ADI1: variants seen among roughly 807,000 people sequenced by gnomAD.
ADI1 encodes the protein acireductone dioxygenase 1.
ADI1 carries 21 observed loss-of-function variants against 18.7 expected under a neutral mutation model. The ratio of observed to expected loss-of-function variants is 1.13; its 90% CI spans 0.80 to 1.62. The LOEUF is 1.62. Among genes scored for constraint, ADI1 ranks in the 40% most tolerant of loss-of-function variants. ADI1 has a pLI of 0.00. For synonymous variants in ADI1, 90 were observed against 100.1 expected, an observed-to-expected ratio of 0.90 and a Z score of 0.60; for missense variants, 245 against 254.9, an observed-to-expected ratio of 0.96 and a Z score of 0.26.
intron 2 of ADI1, 26 bp from the exon 3 acceptor site, chr2:3,501,019 A>T (rs1666993347): frequency 7.1e-6 from 11 of 1,552,084 alleles, no homozygotes; most frequent in Non-Finnish European, 8.7e-6. Context: ...CATTCCTGTG[A>T]GTCTACCAGA....
At chr2:3,503,332 C>T (rs1480634783) in intron 2 of ADI1, among the ~76,000 whole-genome samples, 1 of 150,736 alleles carries the variant, frequency 6.6e-6, no homozygotes, top group Non-Finnish European at 1.5e-5. Context: ...CACACATGCA[C>T]ACATACACAC....
At chr2:3,504,680 GT>G (rs1231944739) in intron 2 of ADI1, among the ~76,000 whole-genome samples, 3 of 152,210 alleles carry the variant, frequency 2.0e-5, no homozygotes, top group African/African-American at 7.2e-5. Flanking sequence ...GCGTATGTTT[GT>G]ATTGTTGGTT....
chr2:3,505,804 T>C (rs1467920753), intron 2 of ADI1, among the ~76,000 whole-genome samples: 1 of 152,028 alleles, frequency 6.6e-6, no homozygotes, highest in African/African-American at 2.4e-5. Flanking sequence ...GGGAGGTAAT[T>C]AGGATTAGAT....
chr2:3,504,233 A>G (rs544010786), intron 2 of ADI1, among the ~76,000 whole-genome samples: 2 of 152,324 alleles, frequency 1.3e-5, no homozygotes, highest in African/African-American at 4.8e-5. Context: ...CTACAAACAC[A>G]CGACCTAACA....
intron 1 of ADI1, among the ~76,000 whole-genome samples, chr2:3,518,925 C>T (rs1667491599): frequency 6.6e-6 from 1 of 152,222 alleles, no homozygotes; most frequent in Admixed American, 6.5e-5. Context: ...GCCCCTGACT[C>T]GCCAACTCTG....
At chr2:3,504,130 T>C (rs1318098994) in intron 2 of ADI1, among the ~76,000 whole-genome samples, 1 of 152,204 alleles carries the variant, frequency 6.6e-6, no homozygotes, top group Admixed American at 6.5e-5. Context: ...ATGGAGAGAC[T>C]TGACGGACGC....
intron 2 of ADI1, among the ~76,000 whole-genome samples, chr2:3,502,887 T>C (rs945567554): frequency 1.3e-5 from 2 of 152,168 alleles, no homozygotes; most frequent in Non-Finnish European, 2.9e-5. Flanking sequence ...CTGATGCTGT[T>C]GTGTGTGTTG....
Position 3,508,332 on chromosome 2 carries a change from C to T in ADI1, c.240+5525G>A, listed in dbSNP as rs1216799473. ...CCTGGGCAACAGAGTGAGACTCTGT[C>T]TCAAAAAAAAAAAAAAAAAAAAAAA... On this transcript the variant is annotated intron_variant, in intron 2 of 3. Transcript: ENST00000327435. Among the ~76,000 whole-genome samples, 5 of 42,430 alleles carry T rather than the reference C, an allele frequency of 1.2e-4. No individual in the cohort carries two copies. The South Asian group carries it at 5.1e-3, about 43-fold the overall frequency. The allele number at this position is 42,430 out of a possible 152,430, so 27.8% of individuals were successfully genotyped here.
intron 1 of ADI1, 123 bp from the exon 2 acceptor site, chr2:3,514,099 C>T: frequency 1.7e-6 from 2 of 1,174,562 alleles, no homozygotes. Flanking sequence ...TTTTTCAACC[C>T]TCAACTAACT....
intron 2 of ADI1, among the ~76,000 whole-genome samples, chr2:3,503,452 C>T (rs80210842): frequency 0.011 from 1,676 of 150,814 alleles, 448 homozygotes; most frequent in South Asian, 0.058. Flanking sequence ...TGCACACATA[C>T]GGACGTACAC....
At chr2:3,511,498 A>G (rs1303234939) in intron 2 of ADI1, among the ~76,000 whole-genome samples, 2 of 152,204 alleles carry the variant, frequency 1.3e-5, no homozygotes, top group African/African-American at 4.8e-5. Flanking sequence ...AGGCCTCCCC[A>G]GAAGCAGATG....
chr2:3,498,886 A>C lies in ADI1; in HGVS notation c.*77T>G, dbSNP rs781647971. The C allele has an allele frequency of 3.9e-6, 6 of 1,523,424 alleles. No individual in the cohort carries two copies. The highest frequency in any genetic ancestry group is 5.3e-6 in the Non-Finnish European group (6 of 1,127,424). The allele number at this position is 1,523,424 out of a possible 1,614,324, so 94.4% of individuals were successfully genotyped here. A position where few individuals can be genotyped will look rare whatever the true frequency, so the allele number is the denominator to read the frequency against. ...TCAAGGCTATCCTCTAAAAGCAAAG[A>C]GAAAGTGATTGATTTTCTGCTCAGT... is the stretch of plus-strand genomic sequence containing the variant. On this transcript the variant is annotated 3_prime_UTR_variant, in exon 4 of 4. Coordinates refer to ENST00000327435, the MANE Select transcript of ADI1 (RefSeq NM_018269.4).
chr2:3,504,488 T>C (rs2103205271), intron 2 of ADI1, among the ~76,000 whole-genome samples: 1 of 152,276 alleles, frequency 6.6e-6, no homozygotes, highest in East Asian at 1.9e-4. Context: ...ACCATTTACA[T>C]CCACCAGAAT....
intron 1 of ADI1, among the ~76,000 whole-genome samples, chr2:3,514,449 T>TTCTA (rs1667357033): frequency 6.6e-6 from 1 of 152,208 alleles, no homozygotes; most frequent in Admixed American, 6.5e-5. Context: ...ATGAGAAACC[T>TTCTA]TCTATCATCT....
In ADI1 at chr2:3,507,828, A is replaced by T. The variant is rs1348765945; in HGVS notation, c.240+6029T>A. Among the ~76,000 whole-genome samples, 4 of 152,334 alleles carry T rather than the reference A, an allele frequency of 2.6e-5. No homozygotes were observed. In the South Asian group the frequency reaches 6.2e-4, roughly 24 times the overall value. ...AATGTCAGTAACAATGTATTAGGTG[A>T]TTATAACATATGGAGAATAAAATAA... On this transcript the variant is annotated intron_variant, in intron 2 of 3. Transcript: ENST00000327435.
At chr2:3,501,126 C>T (rs1666996430) in intron 2 of ADI1, 133 bp from the exon 3 acceptor site, 1 of 659,652 alleles carries the variant, frequency 1.5e-6, no homozygotes, top group Non-Finnish European at 2.5e-6. Context: ...AAAAATGAAA[C>T]TACACTTGCT....
chr2:3,501,835 T>C (rs1014014081), intron 2 of ADI1, among the ~76,000 whole-genome samples: 4 of 152,176 alleles, frequency 2.6e-5, no homozygotes, highest in Admixed American at 6.5e-5. Flanking sequence ...GTCTGACTTT[T>C]GTGTCTTTCT....
In ADI1 at chr2:3,503,545, ACACT is replaced by A. The variant is rs777603694; in HGVS notation, c.241-2556_241-2553del. Among the ~76,000 whole-genome samples, 67 of 151,820 alleles carry A rather than the reference ACACT, an allele frequency of 4.4e-4. 18 individuals carry two copies. Among genetic ancestry groups the A allele is most frequent in the Admixed American group, 7.9e-4 (12 of 15,264 alleles). On this transcript the variant is annotated intron_variant, in intron 2 of 3. Coordinates refer to ENST00000327435, the MANE Select transcript of ADI1 (RefSeq NM_018269.4). ...CTCACATGCACACATACACACGTAC[ACACT>A]CACACACGTGCATTCACTCGCATGG...
At chr2:3,518,110 ATTGCT>A (rs1667447342) in intron 1 of ADI1, among the ~76,000 whole-genome samples, 1 of 152,178 alleles carries the variant, frequency 6.6e-6, no homozygotes, top group South Asian at 2.1e-4. Flanking sequence ...AAACCACTTG[ATTGCT>A]TTGAAGAAGT....
Sources: gnomAD v4.1 joint callset for allele counts (sites outside exome capture counted in the v4.1 genomes callset) on GRCh38, gnomAD v4.1.1 for gene constraint, MANE v1.5 for transcripts, NCBI Gene and HGNC (gene_info 2026-07-23, HGNC 2026-07-21) for gene names.